The following FRMD4B variants were observed in gnomAD, a reference collection of about 807,000 sequenced individuals.
FRMD4B encodes FERM domain-containing protein 4B.
FRMD4B carries 74 observed loss-of-function variants against 141.5 expected under a neutral mutation model. The ratio of observed to expected loss-of-function variants is 0.52; its 90% confidence interval spans 0.43 to 0.63. FRMD4B has a LOEUF of 0.63. Among genes scored for constraint, FRMD4B ranks in the 30% least tolerant of loss-of-function variants. FRMD4B has a pLI of 0.00. For missense variants in FRMD4B, 1,366 were observed against 1,253.4 expected, an observed-to-expected ratio of 1.09 and a Z score of -1.36; for synonymous variants, 506 against 467.9, an observed-to-expected ratio of 1.08 and a Z score of -1.05.
At chr3:69,225,718 AAAAAAAAAAAGAG>A (rs1406108791) in intron 7 of FRMD4B, among the ~76,000 whole-genome samples, 5 of 71,022 alleles carry the variant, frequency 7.0e-5, no homozygotes, top group Non-Finnish European at 1.3e-4. Context: ...AAAAAAAAAA[AAAAAAAAAAAGAG>A]GGAGAACACG....
At chr3:69,462,315 C>T (rs1395186826) in intron 1 of FRMD4B, among the ~76,000 whole-genome samples, 2 of 152,194 alleles carry the variant, frequency 1.3e-5, no homozygotes, top group African/African-American at 2.4e-5. Flanking sequence ...TTTTACTCCT[C>T]ATTGGTTGAG....
chr3:69,441,583 C>T (rs1024200991), intron 1 of FRMD4B, among the ~76,000 whole-genome samples: 9 of 152,066 alleles, frequency 5.9e-5, no homozygotes, highest in South Asian at 2.1e-4. Flanking sequence ...TGTATTATTC[C>T]CCACGATATA....
chr3:69,334,833 C>T (rs1702490378), intron 1 of FRMD4B, among the ~76,000 whole-genome samples: 1 of 152,188 alleles, frequency 6.6e-6, no homozygotes, highest in Non-Finnish European at 1.5e-5. Flanking sequence ...TCAACAGTGA[C>T]ACAAGCCAGA....
chr3:69,517,015 C>T (rs1411583290), intron 1 of FRMD4B, among the ~76,000 whole-genome samples: 2 of 152,146 alleles, frequency 1.3e-5, no homozygotes, highest in Non-Finnish European at 2.9e-5. Context: ...TGCACATTAA[C>T]CCATTATTTG....
intron 1 of FRMD4B, among the ~76,000 whole-genome samples, chr3:69,497,302 C>T (rs1706419143): frequency 6.6e-6 from 1 of 152,086 alleles, no homozygotes; most frequent in Admixed American, 6.5e-5. Flanking sequence ...TGAAGCATAA[C>T]CTAGTAAAAG....
chr3:69,466,332 T>C (rs1198551649), intron 1 of FRMD4B, among the ~76,000 whole-genome samples: 1 of 152,180 alleles, frequency 6.6e-6, no homozygotes, highest in African/African-American at 2.4e-5. Context: ...TTTTTTCCAT[T>C]CTGTAGGTTG....
chr3:69,414,796 C>T (rs891026380), intron 2 of FRMD4B, among the ~76,000 whole-genome samples: 3 of 151,986 alleles, frequency 2.0e-5, no homozygotes, highest in African/African-American at 4.8e-5. Flanking sequence ...TCCAGGGACT[C>T]CCATGAGGAA....
At chr3:69,345,160 T>A (rs547659328) in intron 1 of FRMD4B, among the ~76,000 whole-genome samples, 1 of 152,278 alleles carries the variant, frequency 6.6e-6, no homozygotes, top group East Asian at 1.9e-4. Flanking sequence ...TTTCCAATGG[T>A]CTTAGCAAAT....
Position 69,181,484 on chromosome 3 carries a change from G to A in FRMD4B, c.2266C>T (p.Leu756=). ...CTCCGACCCCTGGTGCGAGTGTCCA[G>A]GGTCTGGGTGGTGTAATAGGGGCCG... is the stretch of plus-strand genomic sequence containing the variant. ...VTGPYYTTQT[L]DTRTRGRRRS... is the part of the protein sequence containing the mutation. Residue 756 remains leucine, a synonymous_variant, in exon 21 of 23, where the codon CTG becomes TTG. Coordinates refer to ENST00000398540, the MANE Select transcript of FRMD4B (RefSeq NM_015123.3). 1 of 1,613,942 alleles carries A rather than the reference G, an allele frequency of 6.2e-7. No individual in the cohort carries two copies. The highest frequency in any genetic ancestry group is 8.5e-7 in the Non-Finnish European group (1 of 1,179,828).
chr3:69,207,759 G>T (rs1409340576), intron 11 of FRMD4B, among the ~76,000 whole-genome samples: 1 of 151,372 alleles, frequency 6.6e-6, no homozygotes, highest in East Asian at 2.0e-4. Context: ...TGTGAGCCAA[G>T]ATCGGGCCAA....
At chr3:69,418,813 A>G (rs1224265760) in intron 2 of FRMD4B, among the ~76,000 whole-genome samples, 9 of 147,894 alleles carry the variant, frequency 6.1e-5, no homozygotes, top group African/African-American at 1.7e-4. Flanking sequence ...CTCCTGGCCC[A>G]TAGCAACTAT....
chr3:69,368,170 C>T (rs1386197111), intron 1 of FRMD4B, among the ~76,000 whole-genome samples: 1 of 152,156 alleles, frequency 6.6e-6, no homozygotes, highest in Non-Finnish European at 1.5e-5. Context: ...TTAAACCCGA[C>T]AACATCACGA....
intron 2 of FRMD4B, among the ~76,000 whole-genome samples, chr3:69,414,868 T>G (rs1704826572): frequency 6.8e-6 from 1 of 147,896 alleles, no homozygotes; most frequent in East Asian, 2.0e-4. Context: ...GCTGTTTTTT[T>G]TTTTTTTTTT....
intron 1 of FRMD4B, among the ~76,000 whole-genome samples, chr3:69,509,053 C>T (rs1322945677): frequency 1.3e-5 from 2 of 152,166 alleles, no homozygotes; most frequent in African/African-American, 2.4e-5. Flanking sequence ...GTCTCTGCTC[C>T]CATCTAGCTA....
intron 2 of FRMD4B, among the ~76,000 whole-genome samples, chr3:69,402,772 C>G (rs920288719): frequency 6.6e-6 from 1 of 152,080 alleles, no homozygotes; most frequent in South Asian, 2.1e-4. Flanking sequence ...TTATTGGCAT[C>G]AGGAGACAGT....
chr3:69,326,119 ATT>A (rs371350022), intron 1 of FRMD4B, among the ~76,000 whole-genome samples: 4 of 133,676 alleles, frequency 3.0e-5, no homozygotes, highest in Admixed American at 7.6e-5. Flanking sequence ...TGGCTAATCA[ATT>A]TTTTTTTTTT....
intron 7 of FRMD4B, among the ~76,000 whole-genome samples, chr3:69,235,186 TA>T (rs1329363842): frequency 1.4e-5 from 2 of 145,980 alleles, no homozygotes; most frequent in African/African-American, 5.0e-5. Context: ...ATAATAATAA[TA>T]ATAATAATAA....
Position 69,418,754 on chromosome 3 carries a change from T to C in FRMD4B, c.-1+13880A>G, listed in dbSNP as rs184669505. On this transcript the variant is annotated intron_variant, in intron 2 of 5. Coordinates refer to the FRMD4B transcript ENST00000459638. The stretch of plus-strand genomic sequence containing the variant: ...CCTAGCTCTGGCCAACATCTTAATT[T>C]CAGCCTGGTAAGAAACTGAGCAGAG... Among the ~76,000 whole-genome samples, 50 of 152,236 alleles carry C rather than the reference T, an allele frequency of 3.3e-4. No homozygotes were observed. The East Asian group carries it at 9.7e-3, about 29-fold the overall frequency.
At chr3:69,360,149 G>A (rs1703432321) in intron 1 of FRMD4B, among the ~76,000 whole-genome samples, 1 of 151,150 alleles carries the variant, frequency 6.6e-6, no homozygotes, top group Non-Finnish European at 1.5e-5. Context: ...AAAAGTTTTT[G>A]TAGTGGAAAA....
Sources: gnomAD v4.1 joint callset for allele counts (sites outside exome capture counted in the v4.1 genomes callset) on GRCh38, gnomAD v4.1.1 for gene constraint, MANE v1.5 for transcripts, NCBI Gene and HGNC (gene_info 2026-07-23, HGNC 2026-07-21) for gene names.